Variants in THSD7B observed in about 807,000 individuals in gnomAD.
THSD7B encodes the protein thrombospondin type-1 domain-containing protein 7B.
Under a neutral mutation model 213.6 loss-of-function variants are expected in THSD7B, and 138 were observed. The ratio of observed to expected loss-of-function variants is 0.65; its 90% CI spans 0.56 to 0.74. The LOEUF is 0.74. Among genes scored for constraint, THSD7B ranks in the 30% least tolerant of loss-of-function variants. The pLI is 0.00. For synonymous variants in THSD7B, 742 were observed against 687.0 expected, an observed-to-expected ratio of 1.08 and a Z score of -1.25; for missense variants, 1,931 against 1,991.5, an observed-to-expected ratio of 0.97 and a Z score of 0.58.
intron 14 of THSD7B, among the ~76,000 whole-genome samples, chr2:137,423,513 G>A (rs183162187): frequency 6.6e-6 from 1 of 152,092 alleles, no homozygotes; most frequent in Non-Finnish European, 1.5e-5. Context: ...ATCAGAAAAT[G>A]AAATTAAGAA....
At chr2:137,386,305 T>A (rs892474716) in intron 12 of THSD7B, among the ~76,000 whole-genome samples, 2 of 152,232 alleles carry the variant, frequency 1.3e-5, no homozygotes, top group African/African-American at 4.8e-5. Context: ...TCTGTGTATC[T>A]TAGGCCACTA....
chr2:137,181,368 C>A (rs1446501857), intron 7 of THSD7B, among the ~76,000 whole-genome samples: 1 of 152,114 alleles, frequency 6.6e-6, no homozygotes, highest in Non-Finnish European at 1.5e-5. Flanking sequence ...ATTCGATACA[C>A]CAAAGTGGTC....
chr2:136,898,273 T>C (rs1683998507), intron 2 of THSD7B, among the ~76,000 whole-genome samples: 2 of 152,240 alleles, frequency 1.3e-5, no homozygotes, highest in Non-Finnish European at 2.9e-5. Context: ...GTTAAGTTTA[T>C]TCATAAGTAT....
At chr2:137,137,500 T>C (rs1403446105) in intron 5 of THSD7B, among the ~76,000 whole-genome samples, 1 of 152,202 alleles carries the variant, frequency 6.6e-6, no homozygotes, top group African/African-American at 2.4e-5. Context: ...TGCTTAGACG[T>C]GTTTAGATAC....
At chr2:137,255,929 G>A (rs1682297986) in intron 10 of THSD7B, among the ~76,000 whole-genome samples, 1 of 152,050 alleles carries the variant, frequency 6.6e-6, no homozygotes, top group South Asian at 2.1e-4. Flanking sequence ...CTCCAGTGGT[G>A]CCTGGCCCTT....
chr2:136,958,355 A>G (rs1032763516), intron 2 of THSD7B, among the ~76,000 whole-genome samples: 2 of 152,222 alleles, frequency 1.3e-5, no homozygotes, highest in African/African-American at 4.8e-5. Flanking sequence ...GTTTTAGTTG[A>G]TCGCAAGCAA....
At chr2:137,188,740 C>A (rs895293143) in intron 7 of THSD7B, among the ~76,000 whole-genome samples, 1 of 152,146 alleles carries the variant, frequency 6.6e-6, no homozygotes, top group African/African-American at 2.4e-5. Context: ...CAATGTGTTA[C>A]CCAGTGTTCT....
At chr2:137,053,358 T>C (rs577976374) in intron 2 of THSD7B, among the ~76,000 whole-genome samples, 4 of 152,264 alleles carry the variant, frequency 2.6e-5, no homozygotes, top group African/African-American at 9.6e-5. Flanking sequence ...TACTTAATAG[T>C]TATACTTTTT....
At chr2:137,284,812 A>T (rs952336194) in intron 12 of THSD7B, among the ~76,000 whole-genome samples, 1 of 152,202 alleles carries the variant, frequency 6.6e-6, no homozygotes, top group African/African-American at 2.4e-5. Flanking sequence ...GGAGTGCTTT[A>T]CTTCTAACTA....
chr2:137,245,054 G>T (rs1020317752), intron 10 of THSD7B, among the ~76,000 whole-genome samples: 5 of 152,226 alleles, frequency 3.3e-5, no homozygotes, highest in Non-Finnish European at 7.4e-5. Context: ...CCTGAATGGT[G>T]ACCCTCCTCC....
At chr2:136,934,829 A>C (rs1402481707) in intron 2 of THSD7B, among the ~76,000 whole-genome samples, 1 of 152,170 alleles carries the variant, frequency 6.6e-6, no homozygotes, top group Non-Finnish European at 1.5e-5. Flanking sequence ...TGCATTTAAA[A>C]CTTTAATTAT....
chr2:137,268,286 A>G (rs780535390), intron 10 of THSD7B, among the ~76,000 whole-genome samples: 17 of 151,868 alleles, frequency 1.1e-4, no homozygotes, highest in Admixed American at 5.9e-4. Context: ...TATATCTCCT[A>G]ATGCTATCCC....
intron 3 of THSD7B, among the ~76,000 whole-genome samples, chr2:137,070,363 A>G (rs1407434876): frequency 6.6e-6 from 1 of 151,754 alleles, no homozygotes; most frequent in Admixed American, 6.6e-5. Context: ...ACACTTGGAC[A>G]TTTAGGTAGT....
chr2:136,905,108 C>T (rs1684136823), intron 2 of THSD7B, among the ~76,000 whole-genome samples: 1 of 152,192 alleles, frequency 6.6e-6, no homozygotes, highest in Admixed American at 6.5e-5. Flanking sequence ...ATGTGGGTTG[C>T]TAAGACAATG....
In THSD7B at chr2:137,231,252, G is replaced by T. The variant is rs1481572669; in HGVS notation, c.1915+17G>T. The T allele has an allele frequency of 1.3e-6, 2 of 1,586,364 alleles. No individual in the cohort carries two copies. The highest frequency in any genetic ancestry group is 1.7e-6 in the Non-Finnish European group (2 of 1,164,890). ...CTGGGGAAGGTGAGTAACAGAAAAG[G>T]TTTTCACTTTGGATTCATTAGCCCA... On this transcript the variant is annotated intron_variant, in intron 8 of 27. Coordinates refer to ENST00000409968, the MANE Select transcript of THSD7B (RefSeq NM_001316349.2).
At chr2:137,076,691 A>T (rs1687632278) in intron 3 of THSD7B, among the ~76,000 whole-genome samples, 1 of 152,160 alleles carries the variant, frequency 6.6e-6, no homozygotes, top group Non-Finnish European at 1.5e-5. Flanking sequence ...TCACGCTGGG[A>T]GCTGTAGACC....
intron 4 of THSD7B, among the ~76,000 whole-genome samples, chr2:137,096,760 G>T (rs540621491): frequency 1.3e-5 from 2 of 152,302 alleles, no homozygotes; most frequent in Admixed American, 6.5e-5. Flanking sequence ...CTTACTAGCA[G>T]TATGATCTTG....
intron 14 of THSD7B, among the ~76,000 whole-genome samples, chr2:137,435,169 C>G (rs978647343): frequency 2.0e-5 from 3 of 152,176 alleles, no homozygotes; most frequent in South Asian, 2.1e-4. Flanking sequence ...CCACTAATAT[C>G]ATTCCATTTA....
At chr2:137,565,405 A>G (rs1043284882) in intron 16 of THSD7B, among the ~76,000 whole-genome samples, 3 of 152,156 alleles carry the variant, frequency 2.0e-5, no homozygotes, top group Non-Finnish European at 4.4e-5. Flanking sequence ...GTAGAAGGAC[A>G]AGCAAGCATG....
Sources: allele counts gnomAD v4.1 joint callset (sites outside exome capture counted in the v4.1 genomes callset), GRCh38; gene constraint gnomAD v4.1.1; transcripts MANE v1.5; gene names NCBI Gene and HGNC (gene_info 2026-07-23, HGNC 2026-07-21).